The following TP53BP2 variants were observed in gnomAD, a reference collection of about 807,000 sequenced individuals.
The protein encoded by TP53BP2 is tumor protein p53 binding protein 2, also known as apoptosis-stimulating of p53 protein 2.
Under a neutral mutation model 126.2 loss-of-function variants are expected in TP53BP2, and 62 were observed. The observed-to-expected ratio is 0.49, with a 90% CI of 0.40 to 0.61. TP53BP2 has a LOEUF of 0.61. Among genes scored for constraint, TP53BP2 ranks in the 20% least tolerant of loss-of-function variants. TP53BP2 has a pLI of 0.00. For missense variants in TP53BP2, 1,215 were observed against 1,402.8 expected (o/e 0.87, Z 2.14); for synonymous variants, 485 against 502.9 (o/e 0.96, Z 0.48).
intron 1 of TP53BP2, among the ~76,000 whole-genome samples, chr1:223,826,511 T>C (rs1413094699): frequency 1.3e-5 from 2 of 152,064 alleles, no homozygotes. Context: ...AGAAAGTAGA[T>C]CACTGGGTGT....
intron 1 of TP53BP2, chr1:223,834,923 A>C: frequency 1.1e-6 from 1 of 946,888 alleles, no homozygotes; most frequent in East Asian, 1.2e-4. Flanking sequence ...CTACTGGTCT[A>C]TACATTCTTT....
intron 6 of TP53BP2, 21 bp from the exon 7 acceptor site, chr1:223,803,473 C>A: frequency 6.4e-7 from 1 of 1,567,774 alleles, no homozygotes; most frequent in East Asian, 2.3e-5. Flanking sequence ...CAGAGAACAG[C>A]AACAACAGTT....
intron 1 of TP53BP2, among the ~76,000 whole-genome samples, chr1:223,834,035 TC>T (rs1663832842): frequency 1.3e-5 from 2 of 152,094 alleles, no homozygotes; most frequent in Non-Finnish European, 2.9e-5. Context: ...GGAAGACATT[TC>T]ATCAAAGGCC....
At chr1:223,798,781 A>G (rs1662427570) in intron 11 of TP53BP2, 104 bp from the exon 12 acceptor site, 3 of 1,047,116 alleles carry the variant, frequency 2.9e-6, no homozygotes, top group Non-Finnish European at 4.1e-6. Context: ...CTATAAAAAT[A>G]TTAGCTCTGG....
At position 223,802,236 on chromosome 1, in the gene TP53BP2, G is replaced by A; in HGVS notation, c.1105C>T (p.Pro369Ser). The change falls in exon 9 of 18, where the codon CCT (proline) becomes TCT (serine). Residue 369 changes from proline (P) to serine (S), a missense_variant. Coordinates refer to ENST00000343537, the MANE Select transcript of TP53BP2 (RefSeq NM_001031685.3). ...SSTMPRMPSRPELLVKPALPD... is the reference protein window; with the variant it reads ...SSTMPRMPSRSELLVKPALPD... Reference sequence around the variant, plus strand: ...AGGGCTGGCTTCACCAGCAATTCAGGCCTTGAGGGCATCCGAGGCATAGTA... The same window carrying A: ...AGGGCTGGCTTCACCAGCAATTCAGACCTTGAGGGCATCCGAGGCATAGTA... 1 of 1,614,202 alleles carries A rather than the reference G, an allele frequency of 6.2e-7. No individual in the cohort carries two copies. The highest frequency in any genetic ancestry group is 8.5e-7 in the Non-Finnish European group (1 of 1,180,030).
At position 223,789,153 on chromosome 1, in the gene TP53BP2, G is replaced by A. The variant is rs755775409; in HGVS notation, c.3018C>T (p.Ala1006=). The change falls in exon 16 of 18, where the codon GCC becomes GCT. Residue 1006 remains alanine (A), a synonymous_variant. Transcript: ENST00000343537. ...SDGWTPLHCA[A]SCNNVQVCKF... ...TACACACTTGGACGTTGTTACATGA[G>A]GCAGCACAATGTAATGGAGTCCTGT... 4.2e-5 allele frequency: 68 copies of A among 1,614,018 alleles called. No homozygotes were observed. Among genetic ancestry groups the A allele is most frequent in the Non-Finnish European group, 5.8e-5 (68 of 1,180,016 alleles).
intron 13 of TP53BP2, among the ~76,000 whole-genome samples, chr1:223,794,787 T>C (rs1662262925): frequency 6.6e-6 from 1 of 152,230 alleles, no homozygotes; most frequent in Non-Finnish European, 1.5e-5. Context: ...AACTTTTTTT[T>C]CTAGCTTCAA....
chr1:223,812,262 G>T (rs1662935543), intron 3 of TP53BP2, among the ~76,000 whole-genome samples: 1 of 152,148 alleles, frequency 6.6e-6, no homozygotes, highest in Non-Finnish European at 1.5e-5. Flanking sequence ...TCATCTGTAG[G>T]GTAGAAGGGG....
At chr1:223,823,591 T>G (rs1472609762) in intron 1 of TP53BP2, among the ~76,000 whole-genome samples, 1 of 152,246 alleles carries the variant, frequency 6.6e-6, no homozygotes, top group Non-Finnish European at 1.5e-5. Flanking sequence ...ACATTTTGAC[T>G]ACATAAAGGT....
chr1:223,821,577 C>A, intron 1 of TP53BP2: 1 of 720,854 alleles, frequency 1.4e-6, no homozygotes, highest in Non-Finnish European at 2.5e-6. Context: ...AGCTCTAGAA[C>A]CCTTGGTGAC....
At chr1:223,798,129 ATTAG>A (rs1384372552) in intron 12 of TP53BP2, 82 bp downstream of exon 12, 16 of 1,278,840 alleles carry the variant, frequency 1.3e-5, no homozygotes, top group South Asian at 1.1e-4. Context: ...CAAAATAGGG[ATTAG>A]TTATTTTGCT....
chr1:223,845,358 C>G, intron 1 of TP53BP2: 1 of 717,822 alleles, frequency 1.4e-6, no homozygotes, highest in Non-Finnish European at 1.7e-6. Context: ...CAGTGAAAGA[C>G]GAAAAGTTTG....
chr1:223,780,472 A>G lies in TP53BP2; in HGVS notation c.*381T>C, dbSNP rs1571829892. 5.7e-6 allele frequency: 1 copy of G among 174,018 alleles called. No individual in the cohort carries two copies. Among genetic ancestry groups the G allele is most frequent in the African/African-American group, 2.4e-5 (1 of 42,014 alleles). 10.8% of individuals were successfully genotyped at this position (174,018 alleles called of 1,614,324 possible). On this transcript the variant is annotated 3_prime_UTR_variant, in exon 18 of 18. Transcript: ENST00000343537. ...GACGGCACTGGTCCTTTCTGGCAGGAGGACTGGTTTAGGAGCAGCTGCTGA... is the reference window on the plus strand; with the variant it reads ...GACGGCACTGGTCCTTTCTGGCAGGGGGACTGGTTTAGGAGCAGCTGCTGA...
intron 16 of TP53BP2, among the ~76,000 whole-genome samples, chr1:223,788,617 G>A (rs1256353078): frequency 6.6e-6 from 1 of 152,132 alleles, no homozygotes; most frequent in Admixed American, 6.6e-5. Context: ...AGGAAAACTT[G>A]GACCATTTGG....
chr1:223,818,768 G>A (rs1437091247), intron 2 of TP53BP2, among the ~76,000 whole-genome samples: 1 of 151,094 alleles, frequency 6.6e-6, no homozygotes, highest in East Asian at 2.1e-4. Context: ...TAGTAGAGGC[G>A]GGGTTTCACC....
Position 223,796,116 on chromosome 1 carries a change from G to A in TP53BP2, c.2423C>T (p.Ser808Phe), listed in dbSNP as rs1302082881. Residue 808 changes from serine (S) to phenylalanine (F), a missense_variant, in exon 13 of 18, where the codon TCT (serine) becomes TTT (phenylalanine). By Grantham distance (155) the Ser-to-Phe change is radical. Around this residue, in one of 4 missense-constraint regions of TP53BP2, gnomAD observed 204 missense variants for 225.7 expected, o/e 0.90. Coordinates refer to ENST00000343537, the MANE Select transcript of TP53BP2 (RefSeq NM_001031685.3). The surrounding 1 kb of genome is among the most constrained non-coding windows in gnomAD (Gnocchi z 4.2). ...TGGGGACAATGATTCAGGAACCAGA[G>A]AGACCACCTCCTTTTCGGGCTCCAC... ...LHVEPEKEVV[S>F]LVPESLSPED... The A allele has an allele frequency of 1.9e-6, 3 of 1,614,188 alleles. No homozygotes were observed. The highest frequency in any genetic ancestry group is 4.5e-5 in the East Asian group (2 of 44,888).
At chr1:223,813,429 G>C (rs1662981660) in intron 3 of TP53BP2, among the ~76,000 whole-genome samples, 2 of 151,920 alleles carry the variant, frequency 1.3e-5, no homozygotes, top group South Asian at 4.2e-4. Context: ...TCTCACACCT[G>C]TTCTTTCATC....
chr1:223,831,466 T>TAAAAAA (rs1157082703), intron 1 of TP53BP2, among the ~76,000 whole-genome samples: 17 of 43,684 alleles, frequency 3.9e-4, no homozygotes, highest in Admixed American at 1.6e-3. Flanking sequence ...ATGTACCATC[T>TAAAAAA]AAAAAAAAAA....
intron 16 of TP53BP2, among the ~76,000 whole-genome samples, chr1:223,784,951 A>G (rs1006356483): frequency 1.7e-4 from 26 of 152,256 alleles, no homozygotes; most frequent in African/African-American, 6.3e-4. Flanking sequence ...CAAACTAGGA[A>G]GGGAAAAATC....
Sources: gnomAD v4.1 joint callset for allele counts (sites outside exome capture counted in the v4.1 genomes callset) on GRCh38, gnomAD v4.1.1 for gene constraint, gnomAD v4.1.1 regional missense constraint, Gnocchi (gnomAD v3.1) non-coding constraint, MANE v1.5 for transcripts, NCBI Gene and HGNC (gene_info 2026-07-23, HGNC 2026-07-21) for gene names.